RAD51B: variants seen among roughly 807,000 people sequenced by gnomAD.
RAD51B encodes DNA repair protein RAD51 homolog 2.
RAD51B carries 38 observed loss-of-function variants against 42.2 expected under a neutral mutation model. The ratio of observed to expected loss-of-function variants is 0.90; its 90% CI spans 0.70 to 1.18. The LOEUF is 1.18. Among genes scored for constraint, RAD51B ranks in the 50% most tolerant of loss-of-function variants. RAD51B has a pLI of 0.00. For synonymous variants in RAD51B, 154 were observed against 145.2 expected (o/e 1.06, Z -0.43); for missense variants, 373 against 400.7 (o/e 0.93, Z 0.59).
At chr14:68,255,642 G>A (rs1049698473) in intron 7 of RAD51B, among the ~76,000 whole-genome samples, 7 of 152,136 alleles carry the variant, frequency 4.6e-5, no homozygotes, top group Non-Finnish European at 7.4e-5. Flanking sequence ...CACCTAAAGT[G>A]GAACTTTTGA....
At position 68,291,946 on chromosome 14, in the gene RAD51B, G is replaced by T; in HGVS notation, c.819G>T (p.Leu273=). The change falls in exon 8 of 11, where the codon CTG becomes CTT. Residue 273 remains leucine (L), a synonymous_variant. Coordinates refer to ENST00000471583, the MANE Select transcript of RAD51B (RefSeq NM_133510.4). The part of the protein sequence containing the change: ...LSGALASQAD[L]VSPADDLSLS... ...GAGCCCTGGCTTCTCAGGCAGACCT[G>T]GTGTCTCCAGCTGATGATTTGTCCC... 2 of 1,613,752 alleles carry T rather than the reference G, an allele frequency of 1.2e-6. No homozygotes were observed. Among genetic ancestry groups the T allele is most frequent in the African/African-American group, 1.3e-5 (1 of 74,988 alleles).
At chr14:67,852,612 T>TA (rs1216598207) in intron 4 of RAD51B, among the ~76,000 whole-genome samples, 2 of 152,192 alleles carry the variant, frequency 1.3e-5, no homozygotes, top group Non-Finnish European at 2.9e-5. Context: ...GGAAGTTACA[T>TA]ACCATCATTT....
intron 10 of RAD51B, among the ~76,000 whole-genome samples, chr14:68,490,432 T>TAAAA (rs1883974274): frequency 6.6e-6 from 1 of 152,206 alleles, no homozygotes; most frequent in Non-Finnish European, 1.5e-5. Flanking sequence ...TTGAAAGGTT[T>TAAAA]TAAAGGCAGA....
At chr14:68,079,347 A>G (rs2076880185) in intron 7 of RAD51B, among the ~76,000 whole-genome samples, 1 of 152,172 alleles carries the variant, frequency 6.6e-6, no homozygotes, top group African/African-American at 2.4e-5. Context: ...ATTGTGGTCA[A>G]AATCTGCATA....
rs1016864214 is a variant in RAD51B at position 68,428,707 on chromosome 14, T to A, written c.957+17180T>A. 1.2e-3 allele frequency among the ~76,000 whole-genome samples: 119 copies of A among 99,530 alleles called. 1 individual carries two copies. The highest frequency in any genetic ancestry group is 5.4e-3 in the African/African-American group (112 of 20,866). 65.3% of individuals were successfully genotyped at this position (99,530 alleles called of 152,430 possible). ...CATGTTGCATATGGCAGGATTTTCT[T>A]TATATATATATATATATATATATAT... is the stretch of plus-strand genomic sequence containing the variant. On this transcript the variant is annotated intron_variant, in intron 9 of 10. Coordinates refer to ENST00000471583, the MANE Select transcript of RAD51B (RefSeq NM_133510.4).
At chr14:68,615,449 C>T (rs1891807180), downstream of RAD51B, among the ~76,000 whole-genome samples, 2 of 151,992 alleles carry the variant, frequency 1.3e-5, no homozygotes, top group East Asian at 1.9e-4. Context: ...GGGTTCACAC[C>T]ATTCTCCTGC....
At chr14:68,101,411 A>G (rs1450195922) in intron 7 of RAD51B, among the ~76,000 whole-genome samples, 2 of 152,124 alleles carry the variant, frequency 1.3e-5, no homozygotes, top group African/African-American at 4.8e-5. Flanking sequence ...AAGCCTGTAA[A>G]ATCAAAAACA....
chr14:67,859,157 G>T (rs2042086151), intron 4 of RAD51B, among the ~76,000 whole-genome samples: 1 of 152,202 alleles, frequency 6.6e-6, no homozygotes, highest in Non-Finnish European at 1.5e-5. Flanking sequence ...CATGAGGAAA[G>T]CATGCAGGGG....
At chr14:68,673,697 A>AT (rs1893228755) in intron 11 of RAD51B, among the ~76,000 whole-genome samples, 1 of 151,754 alleles carries the variant, frequency 6.6e-6, no homozygotes. Flanking sequence ...GTGCACACAC[A>AT]TACACATACT....
chr14:68,517,042 A>G (rs1450077034), intron 10 of RAD51B, among the ~76,000 whole-genome samples: 2 of 152,226 alleles, frequency 1.3e-5, no homozygotes, highest in Non-Finnish European at 2.9e-5. Flanking sequence ...CCAAATCTGA[A>G]TAACTATGGT....
rs72729567 is a variant in RAD51B, at chr14:68,642,688, G to A, written c.1037-8093G>A. 2.6e-3 allele frequency among the ~76,000 whole-genome samples: 402 copies of A among 152,182 alleles called. 3 individuals carry two copies. Among genetic ancestry groups the A allele is most frequent in the Non-Finnish European group, 3.5e-3 (237 of 68,002 alleles). On this transcript the variant is annotated intron_variant, in intron 10 of 11. Coordinates refer to the RAD51B transcript ENST00000488612. ...TTGCTCTTCCTTTTTTAGTTTCCCA[G>A]ATGGAAGCTTAGGTGATTGATTTTA...
At chr14:68,596,163 G>C (rs1436177295), downstream of RAD51B, 1 of 429,812 alleles carries the variant, frequency 2.3e-6, no homozygotes, top group African/African-American at 2.2e-5. Flanking sequence ...CAGAATATCT[G>C]ATATCCTAAA....
At chr14:68,358,014 A>G (rs963291595) in intron 8 of RAD51B, among the ~76,000 whole-genome samples, 2 of 152,138 alleles carry the variant, frequency 1.3e-5, no homozygotes, top group Non-Finnish European at 2.9e-5. Context: ...GTGTCTCAGG[A>G]AATAGAGAGG....
At chr14:67,914,180 A>G (rs2044078650) in intron 7 of RAD51B, among the ~76,000 whole-genome samples, 1 of 152,048 alleles carries the variant, frequency 6.6e-6, no homozygotes, top group South Asian at 2.1e-4. Context: ...ACGAGGTTTC[A>G]CCATATTAGC....
At chr14:68,282,636 G>A (rs2081341386) in intron 7 of RAD51B, among the ~76,000 whole-genome samples, 1 of 151,848 alleles carries the variant, frequency 6.6e-6, no homozygotes. Flanking sequence ...TTTTGTTCAA[G>A]AGCATATCTG....
chr14:68,195,059 G>A (rs2079342219), intron 7 of RAD51B, among the ~76,000 whole-genome samples: 1 of 152,166 alleles, frequency 6.6e-6, no homozygotes, highest in African/African-American at 2.4e-5. Flanking sequence ...ATATGAAGTT[G>A]AAGAAGACCT....
At chr14:68,576,615 G>A (rs1485291426) in intron 10 of RAD51B, among the ~76,000 whole-genome samples, 1 of 152,200 alleles carries the variant, frequency 6.6e-6, no homozygotes, top group Non-Finnish European at 1.5e-5. Context: ...CAGTCTTAGG[G>A]ATGGACCCAG....
chr14:67,824,412 C>T (rs2040739305), intron 2 of RAD51B, among the ~76,000 whole-genome samples: 1 of 152,108 alleles, frequency 6.6e-6, no homozygotes, highest in Admixed American at 6.5e-5. Flanking sequence ...CACATGCCAC[C>T]ACACCCAGCT....
chr14:68,661,745 G>C (rs1034765934), intron 11 of RAD51B, among the ~76,000 whole-genome samples: 1 of 152,132 alleles, frequency 6.6e-6, no homozygotes, highest in African/African-American at 2.4e-5. Context: ...CCCGGTAGAG[G>C]TCTCTTCTCC....
Sources: gnomAD v4.1 joint callset for allele counts (sites outside exome capture counted in the v4.1 genomes callset) on GRCh38, gnomAD v4.1.1 for gene constraint, MANE v1.5 for transcripts, NCBI Gene and HGNC (gene_info 2026-07-23, HGNC 2026-07-21) for gene names.